PALMD: variants seen among roughly 807,000 people sequenced by gnomAD.
PALMD encodes palmdelphin, also known as paralemmin-like protein.
In PALMD, 42 loss-of-function variants were observed where a neutral mutation model predicts 56.2. The ratio of observed to expected loss-of-function variants is 0.75; its 90% CI spans 0.58 to 0.97. The LOEUF is 0.97. PALMD is among the 50% of genes least tolerant of loss of function. The probability of loss-of-function intolerance (pLI) is 0.00; values close to 1 mark genes in which losing one functional copy is unlikely to be tolerated. For synonymous variants in PALMD, 242 were observed against 222.9 expected (o/e 1.09, Z -0.76); for missense variants, 660 against 643.8 (o/e 1.03, Z -0.27).
intron 5 of PALMD, 34 bp from the exon 6 acceptor site, chr1:99,687,042 C>A: frequency 6.6e-7 from 1 of 1,519,220 alleles, no homozygotes; most frequent in South Asian, 1.2e-5. Flanking sequence ...TAAATATATT[C>A]TAAATGTATT....
intron 1 of PALMD, among the ~76,000 whole-genome samples, chr1:99,649,660 C>T (rs1293908568): frequency 6.6e-6 from 1 of 152,178 alleles, no homozygotes; most frequent in Non-Finnish European, 1.5e-5. Context: ...TTAACATCTC[C>T]TCCACAGCTA....
At chr1:99,674,883 T>C (rs1026999948) in intron 3 of PALMD, among the ~76,000 whole-genome samples, 6 of 152,182 alleles carry the variant, frequency 3.9e-5, no homozygotes, top group Non-Finnish European at 8.8e-5. Flanking sequence ...AGCGACTCAT[T>C]GTAATAGAGA....
intron 3 of PALMD, among the ~76,000 whole-genome samples, chr1:99,681,558 T>C (rs1461834811): frequency 6.6e-6 from 1 of 152,100 alleles, no homozygotes; most frequent in East Asian, 1.9e-4. Context: ...AAAATAAAAA[T>C]ATAAAAGAAA....
At chr1:99,693,978 GA>G in intron 7 of PALMD, 40 bp from the exon 8 acceptor site, 1 of 1,465,494 alleles carries the variant, frequency 6.8e-7, no homozygotes, top group Non-Finnish European at 9.4e-7. Context: ...AAAAATTGAG[GA>G]TTTTTTTTAT....
At chr1:99,669,672 C>A (rs970895528) in intron 3 of PALMD, 1 of 152,266 alleles carries the variant, frequency 6.6e-6, no homozygotes, top group African/African-American at 2.4e-5. Flanking sequence ...CAGGCTTGGG[C>A]AGCATTCTGA....
chr1:99,659,222 G>A (rs942064698), intron 1 of PALMD, among the ~76,000 whole-genome samples: 5 of 152,128 alleles, frequency 3.3e-5, no homozygotes, highest in African/African-American at 1.2e-4. Context: ...AATATCATTG[G>A]ATCATATTAA....
chr1:99,657,056 C>T (rs1217543545), intron 1 of PALMD, among the ~76,000 whole-genome samples: 4 of 152,220 alleles, frequency 2.6e-5, no homozygotes, highest in Non-Finnish European at 4.4e-5. Flanking sequence ...TTCCCCTTCT[C>T]CTATACCCAT....
In PALMD at chr1:99,689,121, A is replaced by C; in HGVS notation, c.861A>C (p.Ile287=). 1 of 1,613,744 alleles carries C rather than the reference A, an allele frequency of 6.2e-7. No individual in the cohort carries two copies. The highest frequency in any genetic ancestry group is 8.5e-7 in the Non-Finnish European group (1 of 1,179,824). ...VTPGPNFQER[I]KIKTNGLGIG... is the part of the protein sequence containing the mutation. ...CTGGACCAAACTTTCAAGAAAGGAT[A>C]AAGATTAAAACTAATGGACTGGGTA... is the stretch of plus-strand genomic sequence containing the variant. Residue 287 remains isoleucine, a synonymous_variant, in exon 7 of 8, where the codon ATA becomes ATC. Coordinates refer to ENST00000263174, the MANE Select transcript of PALMD (RefSeq NM_017734.5).
chr1:99,647,516 T>G (rs954392626), intron 1 of PALMD, among the ~76,000 whole-genome samples: 3 of 152,260 alleles, frequency 2.0e-5, no homozygotes, highest in Non-Finnish European at 4.4e-5. Flanking sequence ...AACAATGCTT[T>G]GTTAAATGTC....
At chr1:99,678,443 GC>G (rs891889911) in intron 3 of PALMD, among the ~76,000 whole-genome samples, 12 of 151,992 alleles carry the variant, frequency 7.9e-5, no homozygotes, top group Admixed American at 7.9e-4. Flanking sequence ...TCTACATCAA[GC>G]CCTGTTGTAG....
At chr1:99,672,557 A>G (rs1053116931) in intron 3 of PALMD, among the ~76,000 whole-genome samples, 32 of 152,110 alleles carry the variant, frequency 2.1e-4, no homozygotes, top group Admixed American at 2.1e-3. Flanking sequence ...GTAAGTCTCC[A>G]TAGGAGGTAT....
chr1:99,691,100 T>C (rs1225302328), intron 7 of PALMD, among the ~76,000 whole-genome samples: 3 of 152,136 alleles, frequency 2.0e-5, no homozygotes, highest in African/African-American at 7.2e-5. Flanking sequence ...GAGTGATATG[T>C]CTCACAATGG....
At chr1:99,671,706 T>TA (rs547355383) in intron 3 of PALMD, among the ~76,000 whole-genome samples, 2 of 152,172 alleles carry the variant, frequency 1.3e-5, no homozygotes, top group Non-Finnish European at 2.9e-5. Flanking sequence ...AATGCTACCA[T>TA]AGAGGTTAAT....
chr1:99,677,329 G>A (rs573910565), intron 3 of PALMD, among the ~76,000 whole-genome samples: 36 of 152,148 alleles, frequency 2.4e-4, no homozygotes, highest in Non-Finnish European at 3.5e-4. Context: ...CAGCATATGG[G>A]TTTTGTCACT....
chr1:99,652,053 C>T (rs901639633), intron 1 of PALMD, among the ~76,000 whole-genome samples: 1 of 152,208 alleles, frequency 6.6e-6, no homozygotes, highest in African/African-American at 2.4e-5. Context: ...CCTATTCTTA[C>T]ATAGCATTTA....
At chr1:99,652,114 A>T (rs1196002733) in intron 1 of PALMD, among the ~76,000 whole-genome samples, 1 of 152,238 alleles carries the variant, frequency 6.6e-6, no homozygotes, top group Non-Finnish European at 1.5e-5. Context: ...TTGTCCAAGT[A>T]GTCCTATGAG....
rs1652465996 is a variant in PALMD at position 99,647,456 on chromosome 1, C to T, written c.45+1094C>T. On this transcript the variant is annotated intron_variant, in intron 1 of 7. Coordinates refer to ENST00000263174, the MANE Select transcript of PALMD (RefSeq NM_017734.5). ...CAGTAAATTGAAATGTCTTCTTAGCCAATAGTAAGACACCAGAAGTCTATT... is the reference window on the plus strand; with the variant it reads ...CAGTAAATTGAAATGTCTTCTTAGCTAATAGTAAGACACCAGAAGTCTATT... 1.3e-5 allele frequency among the ~76,000 whole-genome samples: 2 copies of T among 152,144 alleles called. 1 individual carries two copies. The highest frequency in any genetic ancestry group is 4.1e-4 in the South Asian group (2 of 4,832).
intron 3 of PALMD, among the ~76,000 whole-genome samples, chr1:99,681,629 T>G (rs1653349325): frequency 6.6e-6 from 1 of 152,180 alleles, no homozygotes; most frequent in African/African-American, 2.4e-5. Context: ...CCAGGCATTC[T>G]TTTAGGTATC....
intron 1 of PALMD, among the ~76,000 whole-genome samples, chr1:99,655,161 C>T (rs1417636913): frequency 6.6e-6 from 1 of 151,964 alleles, no homozygotes; most frequent in South Asian, 2.1e-4. Flanking sequence ...TTTGATAAAA[C>T]TTCAGATACA....
Sources: allele counts gnomAD v4.1 joint callset (sites outside exome capture counted in the v4.1 genomes callset), GRCh38; gene constraint gnomAD v4.1.1; transcripts MANE v1.5; gene names NCBI Gene and HGNC (gene_info 2026-07-23, HGNC 2026-07-21).